DEF6: variants seen among roughly 807,000 people sequenced by gnomAD.
The protein encoded by DEF6 is differentially expressed in FDCP 6 homolog.
Under a neutral mutation model 80.5 loss-of-function variants are expected in DEF6, and 32 were observed. The ratio of observed to expected loss-of-function variants is 0.40; its 90% CI spans 0.30 to 0.53. The LOEUF (loss-of-function observed/expected upper bound fraction) is 0.53, where lower values mean the gene tolerates loss of function less well. Ranked by LOEUF, DEF6 falls within the 20% of genes least tolerant of loss-of-function variation. The pLI, the probability that DEF6 is intolerant of heterozygous loss-of-function variation, is 0.57. For synonymous variants in DEF6, 300 were observed against 337.9 expected (o/e 0.89, Z 1.23); for missense variants, 575 against 818.7 (o/e 0.70, Z 3.63).
rs752946127 is a variant in DEF6 at position 35,312,364 on chromosome 6, G to A, written c.486G>A (p.Leu162=). The change falls in exon 4 of 11, where the codon CTG becomes CTA. Residue 162 remains leucine (L), a synonymous_variant. Coordinates refer to ENST00000316637, the MANE Select transcript of DEF6 (RefSeq NM_022047.4). The surrounding 1 kb of genome is among the most constrained non-coding windows in gnomAD (Gnocchi z 6.6). The stretch of plus-strand genomic sequence containing the variant: ...GCTTGGAGGTGAGCTTGGGTGAGCT[G>A]GAGGAGCTTCTGGCCCAGGAGGCCC... ...SMSLEVSLGE[L]EELLAQEAQV... 3 of 1,614,184 alleles carry A rather than the reference G, an allele frequency of 1.9e-6. No individual in the cohort carries two copies. The African/African-American group carries it at 4.0e-5, about 22-fold the overall frequency.
At chr6:35,302,834 T>C (rs1269508353) in intron 1 of DEF6, among the ~76,000 whole-genome samples, 1 of 152,180 alleles carries the variant, frequency 6.6e-6, no homozygotes, top group African/African-American at 2.4e-5. Context: ...CCAGGGCCAG[T>C]GCACTGTAGA....
Position 35,300,811 on chromosome 6 carries a change from G to C in DEF6, c.96+2859G>C, listed in dbSNP as rs1791304573. 2.0e-5 allele frequency among the ~76,000 whole-genome samples: 3 copies of C among 152,218 alleles called. No homozygotes were observed. In the South Asian group the frequency reaches 6.2e-4, roughly 32 times the overall value. On this transcript the variant is annotated intron_variant, in intron 1 of 10. Coordinates refer to ENST00000316637, the MANE Select transcript of DEF6 (RefSeq NM_022047.4). ...CCATCCTGACAGAGGGCTATAGAGA[G>C]GGGAGCCCTTGGGAATGATGTGTGT... is the stretch of plus-strand genomic sequence containing the variant.
chr6:35,320,444 C>T (rs1173918681), intron 9 of DEF6, among the ~76,000 whole-genome samples: 2 of 152,174 alleles, frequency 1.3e-5, no homozygotes, highest in Non-Finnish European at 2.9e-5. Context: ...CCCCACCTCA[C>T]AACCACTGCT....
chr6:35,310,279 G>A (rs1791446246), intron 2 of DEF6, among the ~76,000 whole-genome samples, 180 bp from the exon 3 acceptor site: 1 of 152,124 alleles, frequency 6.6e-6, no homozygotes, highest in South Asian at 2.1e-4. Flanking sequence ...TGTTGTGGAG[G>A]GTGGAGTGGT....
intron 5 of DEF6, among the ~76,000 whole-genome samples, chr6:35,315,921 C>G (rs536392671): frequency 2.6e-4 from 37 of 144,104 alleles, no homozygotes; most frequent in Non-Finnish European, 4.3e-4. Flanking sequence ...TGCAATGGCA[C>G]GATCTCAGCT....
At chr6:35,301,377 G>C (rs375727505) in intron 1 of DEF6, among the ~76,000 whole-genome samples, 3 of 152,168 alleles carry the variant, frequency 2.0e-5, no homozygotes, top group Non-Finnish European at 4.4e-5. Flanking sequence ...GCTTGGATCC[G>C]TACTGCTCCC....
chr6:35,320,148 C>T, intron 9 of DEF6, 131 bp downstream of exon 9: 1 of 843,136 alleles, frequency 1.2e-6, no homozygotes, highest in East Asian at 2.7e-5. Flanking sequence ...GGACAAATGC[C>T]CAAACTTCTT....
chr6:35,299,017 A>G (rs1341759318), intron 1 of DEF6, among the ~76,000 whole-genome samples: 1 of 152,112 alleles, frequency 6.6e-6, no homozygotes, highest in Non-Finnish European at 1.5e-5. Flanking sequence ...CAGAACAGTT[A>G]TTGTGCCCCA....
intron 2 of DEF6, 89 bp from the exon 3 acceptor site, chr6:35,310,370 G>T (rs1435321812): frequency 3.5e-6 from 5 of 1,411,022 alleles, no homozygotes; most frequent in Non-Finnish European, 4.9e-6. Context: ...GGGAGCAGGG[G>T]CATAGATGAA....
intron 1 of DEF6, among the ~76,000 whole-genome samples, chr6:35,300,292 G>A (rs1791297427): frequency 1.3e-5 from 2 of 152,284 alleles, no homozygotes; most frequent in South Asian, 4.1e-4. Flanking sequence ...CTCCTGAGTA[G>A]CTGGAATTAT....
At position 35,319,606 on chromosome 6, in the gene DEF6, A is replaced by G. The variant is rs1582235036; in HGVS notation, c.1298A>G (p.Glu433Gly). ...RQRQRIKELE[E>G]MQQRLQEALQ... ...CGGCAGCGCATCAAGGAGCTGGAGGAGATGCAGCAGCGGTTGCAGGAGGCC... is the reference window on the plus strand; with the variant it reads ...CGGCAGCGCATCAAGGAGCTGGAGGGGATGCAGCAGCGGTTGCAGGAGGCC... The change falls in exon 8 of 11, where the codon GAG (glutamate) becomes GGG (glycine). Residue 433 changes from glutamate to glycine, a missense_variant. Glu to Gly is a moderately conservative substitution (Grantham distance 98). Coordinates refer to ENST00000316637, the MANE Select transcript of DEF6 (RefSeq NM_022047.4). The surrounding 1 kb of genome is among the most constrained non-coding windows in gnomAD (Gnocchi z 4.5). The G allele has an allele frequency of 6.2e-7, 1 of 1,614,056 alleles. No homozygotes were observed. The highest frequency in any genetic ancestry group is 1.1e-5 in the South Asian group (1 of 91,078).
intron 1 of DEF6, among the ~76,000 whole-genome samples, chr6:35,299,881 G>A (rs1291560585): frequency 1.3e-5 from 2 of 152,114 alleles, no homozygotes; most frequent in Non-Finnish European, 2.9e-5. Context: ...TTGGGGGGCG[G>A]GGATTCCAGC....
chr6:35,317,162 A>G (rs36053978), intron 5 of DEF6, among the ~76,000 whole-genome samples: 2,663 of 152,230 alleles, frequency 0.017, 40 homozygotes, highest in Non-Finnish European at 0.027. Flanking sequence ...CCATCCTAGG[A>G]TCTGTCTAAT....
In DEF6 at chr6:35,321,195, C is replaced by G. The variant is rs780900082; in HGVS notation, c.1681C>G (p.Pro561Ala). 6.2e-7 allele frequency: 1 copy of G among 1,612,310 alleles called. No individual in the cohort carries two copies. The highest frequency in any genetic ancestry group is 8.5e-7 in the Non-Finnish European group (1 of 1,179,876). ...TGCCTTCTCTCTGCCAGATAAGCGT[C>G]CGGTCACCAGCAGCTCCTTCTCAGG... ...MHPIEPGDKR[P>A]VTSSSFSGFQ... Residue 561 changes from proline (P) to alanine (A), a missense_variant, in exon 11 of 11, where the codon CCG (proline) becomes GCG (alanine). Pro to Ala is a conservative substitution (Grantham distance 27, BLOSUM62 -1). Transcript: ENST00000316637.
intron 9 of DEF6, 94 bp downstream of exon 9, chr6:35,320,111 C>A: frequency 7.9e-7 from 1 of 1,270,728 alleles, no homozygotes. Flanking sequence ...AAACCCTGGC[C>A]CTAGCAGCTG....
chr6:35,312,841 G>A lies in DEF6; in HGVS notation c.807+69G>A. Reference sequence around the variant, plus strand: ...TGTCCTCAGGGGCATGAGAAGACAAGGGGGTCAGGAGAGGGGCAAATGGAG... The same window carrying A: ...TGTCCTCAGGGGCATGAGAAGACAAAGGGGTCAGGAGAGGGGCAAATGGAG... On this transcript the variant is annotated intron_variant, in intron 5 of 10. Coordinates refer to ENST00000316637, the MANE Select transcript of DEF6 (RefSeq NM_022047.4). The surrounding 1 kb of genome is among the most constrained non-coding windows in gnomAD (Gnocchi z 6.6). 6.5e-7 allele frequency: 1 copy of A among 1,531,222 alleles called. No individual in the cohort carries two copies. 94.9% of individuals were successfully genotyped at this position (1,531,222 alleles called of 1,614,324 possible). A position where few individuals can be genotyped will look rare whatever the true frequency, so the allele number is the denominator to read the frequency against.
chr6:35,309,470 G>T (rs1174292044), intron 1 of DEF6, among the ~76,000 whole-genome samples, 200 bp from the exon 2 acceptor site: 2 of 152,190 alleles, frequency 1.3e-5, no homozygotes, highest in African/African-American at 4.8e-5. Flanking sequence ...TGTTATGGTG[G>T]TTAAGCAAAT....
intron 1 of DEF6, among the ~76,000 whole-genome samples, chr6:35,306,806 C>A (rs971106678): frequency 3.9e-5 from 6 of 152,222 alleles, no homozygotes; most frequent in African/African-American, 1.4e-4. Flanking sequence ...TCACCCACAA[C>A]TTTTATTAAG....
Position 35,318,155 on chromosome 6 carries a change from G to C in DEF6, c.917-18G>C, listed in dbSNP as rs1028182978. The C allele has an allele frequency of 6.5e-7, 1 of 1,541,112 alleles. No individual in the cohort carries two copies. The highest frequency in any genetic ancestry group is 1.3e-5 in the South Asian group (1 of 79,988). On this transcript the variant is annotated intron_variant, in intron 6 of 10. Transcript: ENST00000316637. This position sits in a 1 kb window ranked among gnomAD's most constrained non-coding sequence, Gnocchi z 5.1. ...CCGTGTGCGAGGATCCTACTGACCC[G>C]CTCCCGCTCTTCGGCAGCCATCCAG...
Sources: allele counts gnomAD v4.1 joint callset (sites outside exome capture counted in the v4.1 genomes callset), GRCh38; gene constraint gnomAD v4.1.1; non-coding constraint Gnocchi (gnomAD v3.1); transcripts MANE v1.5; gene names NCBI Gene and HGNC (gene_info 2026-07-23, HGNC 2026-07-21).